The following CNTN6 variants were observed in gnomAD, a reference collection of about 807,000 sequenced individuals.
CNTN6 encodes contactin-6.
Under a neutral mutation model 122.8 loss-of-function variants are expected in CNTN6, and 137 were observed. The observed-to-expected ratio is 1.12, with a 90% CI of 0.97 to 1.29. The LOEUF (loss-of-function observed/expected upper bound fraction) is 1.29. Ranked by LOEUF, CNTN6 falls within the 50% of genes most tolerant of loss-of-function variation. The pLI is 0.00. For missense variants in CNTN6, 1,634 were observed against 1,223.4 expected, an observed-to-expected ratio of 1.34 and a Z score of -5.01; for synonymous variants, 570 against 426.0, an observed-to-expected ratio of 1.34 and a Z score of -4.16.
At chr3:1,213,498 C>T (rs4684826) in intron 2 of CNTN6, among the ~76,000 whole-genome samples, 111,262 of 151,784 alleles carry the variant, frequency 0.73, 42,326 homozygotes, top group African/African-American at 0.93. Flanking sequence ...TTTAATATAA[C>T]GCATTTTTAT....
intron 1 of CNTN6, among the ~76,000 whole-genome samples, chr3:1,124,585 AT>A (rs1559357633): frequency 6.6e-6 from 1 of 151,886 alleles, no homozygotes; most frequent in African/African-American, 2.4e-5. Flanking sequence ...CATATTGGGT[AT>A]AGTGTACACT....
chr3:1,388,009 T>A (rs1021382055), intron 20 of CNTN6, among the ~76,000 whole-genome samples: 1 of 152,080 alleles, frequency 6.6e-6, no homozygotes, highest in Non-Finnish European at 1.5e-5. Context: ...TTGGCCAGGC[T>A]TGATTAGGTA....
intron 20 of CNTN6, among the ~76,000 whole-genome samples, chr3:1,386,729 A>AGAT: frequency 6.6e-6 from 1 of 152,164 alleles, no homozygotes; most frequent in East Asian, 1.9e-4. Context: ...GATGAATGAA[A>AGAT]GATAACAAAT....
intron 4 of CNTN6, among the ~76,000 whole-genome samples, chr3:1,235,039 T>C (rs2094403785): frequency 6.6e-6 from 1 of 152,250 alleles, no homozygotes; most frequent in Non-Finnish European, 1.5e-5. Flanking sequence ...AGCCTCATTT[T>C]TTCCCACACT....
In CNTN6 at chr3:1,355,164, G is replaced by T. The variant is rs138827831; in HGVS notation, c.1492+2713G>T. On this transcript the variant is annotated intron_variant, in intron 12 of 22. Transcript: ENST00000446702. ...CACATCCCATTTTAAGTGGACTTTG[G>T]GGTCTTTTGCTTCTTTGTCATTAAC... 7.3e-5 allele frequency among the ~76,000 whole-genome samples: 11 copies of T among 151,642 alleles called. No homozygotes were observed. In the East Asian group the frequency reaches 2.1e-3, roughly 29 times the overall value.
chr3:1,109,104 T>A (rs1323627489), intron 1 of CNTN6, among the ~76,000 whole-genome samples: 3 of 152,028 alleles, frequency 2.0e-5, no homozygotes, highest in African/African-American at 2.4e-5. Flanking sequence ...AACAGACATA[T>A]AAATGAGGCT....
At chr3:1,375,866 A>G (rs1709784787) in intron 16 of CNTN6, among the ~76,000 whole-genome samples, 1 of 152,148 alleles carries the variant, frequency 6.6e-6, no homozygotes, top group Admixed American at 6.6e-5. Flanking sequence ...TTTTCTGGTC[A>G]TGTTTATAGA....
chr3:1,258,674 C>T (rs1048524297), intron 4 of CNTN6, among the ~76,000 whole-genome samples: 11 of 152,200 alleles, frequency 7.2e-5, no homozygotes, highest in South Asian at 2.1e-4. Context: ...TTTTTCTCCT[C>T]GTGTCACCTT....
intron 1 of CNTN6, among the ~76,000 whole-genome samples, chr3:1,131,914 T>C (rs919260838): frequency 6.6e-6 from 1 of 151,984 alleles, no homozygotes; most frequent in Non-Finnish European, 1.5e-5. Context: ...TCAGATTAGA[T>C]GTTTGAAAGG....
chr3:1,287,765 G>T (rs144095885), intron 5 of CNTN6, among the ~76,000 whole-genome samples: 1 of 152,052 alleles, frequency 6.6e-6, no homozygotes, highest in Non-Finnish European at 1.5e-5. Context: ...TCCCACCAGC[G>T]CCATGACAGT....
At chr3:1,171,694 C>G (rs2093360750) in intron 2 of CNTN6, among the ~76,000 whole-genome samples, 1 of 152,120 alleles carries the variant, frequency 6.6e-6, no homozygotes, top group African/African-American at 2.4e-5. Flanking sequence ...GCAGCCTCGA[C>G]CTCTTGTGCT....
At chr3:1,280,196 G>A (rs1203399476) in intron 5 of CNTN6, among the ~76,000 whole-genome samples, 1 of 152,040 alleles carries the variant, frequency 6.6e-6, no homozygotes, top group African/African-American at 2.4e-5. Context: ...TAAAATATTT[G>A]TAAATGAATC....
chr3:1,385,340 G>C (rs886708745), intron 19 of CNTN6, among the ~76,000 whole-genome samples: 1 of 151,882 alleles, frequency 6.6e-6, no homozygotes, highest in Non-Finnish European at 1.5e-5. Context: ...GTAACCTTTA[G>C]ATAGCTCATA....
At chr3:1,360,845 A>C (rs1029414189) in intron 12 of CNTN6, among the ~76,000 whole-genome samples, 1 of 152,040 alleles carries the variant, frequency 6.6e-6, no homozygotes, top group East Asian at 1.9e-4. Context: ...ACTTGTTTCT[A>C]CTGTCTTCTT....
intron 5 of CNTN6, among the ~76,000 whole-genome samples, chr3:1,290,137 C>T (rs1214142457): frequency 6.6e-6 from 1 of 152,200 alleles, no homozygotes; most frequent in Non-Finnish European, 1.5e-5. Context: ...TTTAGCAAGT[C>T]TACCAAGGGG....
chr3:1,318,080 AAAAG>A (rs1394367608), intron 7 of CNTN6, among the ~76,000 whole-genome samples: 1 of 151,618 alleles, frequency 6.6e-6, no homozygotes. Context: ...AAAGAAGAAA[AAAAG>A]GAAAGAAAGA....
At chr3:1,384,750 CATAT>C (rs370173295) in intron 19 of CNTN6, among the ~76,000 whole-genome samples, 1 of 99,762 alleles carries the variant, frequency 1.0e-5, no homozygotes, top group South Asian at 2.6e-4. Context: ...CATATATACA[CATAT>C]ATATACATAT....
intron 4 of CNTN6, among the ~76,000 whole-genome samples, chr3:1,244,822 T>A (rs1388992434): frequency 1.3e-5 from 2 of 151,184 alleles, no homozygotes; most frequent in African/African-American, 2.4e-5. Context: ...CAGGGGTGGA[T>A]CTCACAAAGT....
intron 2 of CNTN6, among the ~76,000 whole-genome samples, chr3:1,184,811 A>G (rs2093606444): frequency 6.6e-6 from 1 of 152,186 alleles, no homozygotes; most frequent in Non-Finnish European, 1.5e-5. Flanking sequence ...TTGAATGGGC[A>G]AATCTTATGA....
Sources: allele counts gnomAD v4.1 joint callset (sites outside exome capture counted in the v4.1 genomes callset), GRCh38; gene constraint gnomAD v4.1.1; transcripts MANE v1.5; gene names NCBI Gene and HGNC (gene_info 2026-07-23, HGNC 2026-07-21).